CADM2: variants seen among roughly 807,000 people sequenced by gnomAD.
CADM2 encodes the protein immunoglobulin superfamily member 4D.
In CADM2, 12 loss-of-function variants were observed where a neutral mutation model predicts 49.8. The ratio of observed to expected loss-of-function variants is 0.24; its 90% CI spans 0.15 to 0.39. CADM2 has a LOEUF of 0.39. Ranked by LOEUF, CADM2 falls within the 10% of genes least tolerant of loss-of-function variation. The pLI, the probability that CADM2 is intolerant of heterozygous loss-of-function variation, is 1.00. For missense variants in CADM2, 378 were observed against 492.3 expected, an observed-to-expected ratio of 0.77 and a Z score of 2.20; for synonymous variants, 214 against 175.4, an observed-to-expected ratio of 1.22 and a Z score of -1.74.
At chr3:85,404,466 G>A (rs1399318342) in intron 1 of CADM2, among the ~76,000 whole-genome samples, 1 of 152,084 alleles carries the variant, frequency 6.6e-6, no homozygotes, top group African/African-American at 2.4e-5. Context: ...CTGTTAGGAA[G>A]AATATTTTCA....
At chr3:85,749,323 C>T (rs2068762532) in intron 2 of CADM2, among the ~76,000 whole-genome samples, 2 of 151,876 alleles carry the variant, frequency 1.3e-5, no homozygotes, top group Admixed American at 6.6e-5. Flanking sequence ...TTTCTTACTT[C>T]ATCTGTATTG....
At position 85,939,468 on chromosome 3, in the gene CADM2, A is replaced by ACACAC. The variant is rs1553710489; in HGVS notation, c.791+3611_791+3612insCACAC. ...ATTCTCCATTTTAAAAGTAAACGAA[A>ACACAC]ACACACACACACACACACACACACA... On this transcript the variant is annotated intron_variant, in intron 7 of 9. Coordinates refer to ENST00000383699, the MANE Select transcript of CADM2 (RefSeq NM_001167675.2). 3.6e-4 allele frequency among the ~76,000 whole-genome samples: 49 copies of ACACAC among 137,078 alleles called. 1 individual carries two copies. The highest frequency in any genetic ancestry group is 1.3e-3 in the African/African-American group (48 of 36,592). 89.9% of individuals were successfully genotyped at this position (137,078 alleles called of 152,430 possible).
At chr3:85,053,575 G>A (rs2035966162) in intron 1 of CADM2, among the ~76,000 whole-genome samples, 1 of 151,886 alleles carries the variant, frequency 6.6e-6, no homozygotes, top group Admixed American at 6.6e-5. Flanking sequence ...TGGCAAATGA[G>A]CCATAGAGAT....
chr3:84,960,701 G>T (rs1559590665), intron 1 of CADM2, among the ~76,000 whole-genome samples: 1 of 152,122 alleles, frequency 6.6e-6, no homozygotes, highest in Non-Finnish European at 1.5e-5. Flanking sequence ...TTTGGATGCC[G>T]GATGGCTAAG....
chr3:85,573,766 T>A (rs2062550305), intron 1 of CADM2, among the ~76,000 whole-genome samples: 1 of 152,172 alleles, frequency 6.6e-6, no homozygotes, highest in Non-Finnish European at 1.5e-5. Context: ...GTTTACGTGA[T>A]CTTATTCCCT....
At chr3:85,940,024 A>C (rs200882469) in intron 7 of CADM2, among the ~76,000 whole-genome samples, 1 of 17,242 alleles carries the variant, frequency 5.8e-5, no homozygotes. Flanking sequence ...TAACAACAAC[A>C]AAAAAAAAAC....
At chr3:85,552,152 T>G (rs1221321834) in intron 1 of CADM2, among the ~76,000 whole-genome samples, 2 of 152,040 alleles carry the variant, frequency 1.3e-5, no homozygotes. Flanking sequence ...ACTTTAGACA[T>G]GAGCTATCCA....
intron 1 of CADM2, among the ~76,000 whole-genome samples, chr3:85,651,709 C>T (rs2065046137): frequency 6.6e-6 from 1 of 151,990 alleles, no homozygotes; most frequent in African/African-American, 2.4e-5. Flanking sequence ...GGATATGTTT[C>T]CCAAACCTCA....
chr3:85,236,791 C>A lies in CADM2; in HGVS notation c.61+277123C>A, dbSNP rs879625394. Reference sequence around the variant, plus strand: ...TGTATGAGAAAAGTCATTGATAGGGCTCGTATAAATGGAAGGGTGACCTCA... The same window carrying A: ...TGTATGAGAAAAGTCATTGATAGGGATCGTATAAATGGAAGGGTGACCTCA... On this transcript the variant is annotated intron_variant, in intron 1 of 9. Coordinates refer to ENST00000383699, the MANE Select transcript of CADM2 (RefSeq NM_001167675.2). 2.6e-5 allele frequency among the ~76,000 whole-genome samples: 4 copies of A among 151,866 alleles called. No individual in the cohort carries two copies. In the East Asian group the frequency reaches 7.7e-4, roughly 29 times the overall value.
chr3:85,606,974 A>G (rs981495019), intron 1 of CADM2, among the ~76,000 whole-genome samples: 4 of 152,136 alleles, frequency 2.6e-5, no homozygotes, highest in African/African-American at 7.2e-5. Flanking sequence ...GGAGAAGTCA[A>G]TTAGAAGAAG....
At chr3:85,035,483 G>T (rs755497930) in intron 1 of CADM2, among the ~76,000 whole-genome samples, 7 of 152,146 alleles carry the variant, frequency 4.6e-5, no homozygotes, top group Non-Finnish European at 8.8e-5. Flanking sequence ...TCTTCCTCAA[G>T]AAATGTTTGC....
chr3:85,957,772 T>G (rs1367813265), intron 7 of CADM2, among the ~76,000 whole-genome samples: 5 of 151,788 alleles, frequency 3.3e-5, no homozygotes, highest in African/African-American at 1.2e-4. Flanking sequence ...GTGGGATAGC[T>G]CACAGAACTC....
chr3:85,476,595 C>T (rs973477522), intron 1 of CADM2, among the ~76,000 whole-genome samples: 1 of 34,754 alleles, frequency 2.9e-5, no homozygotes, highest in Non-Finnish European at 6.4e-5. Flanking sequence ...AATGATTTGC[C>T]AGTGCACTAA....
intron 1 of CADM2, among the ~76,000 whole-genome samples, chr3:85,080,004 T>C (rs562565594): frequency 4.7e-4 from 71 of 152,070 alleles, no homozygotes; most frequent in Non-Finnish European, 9.1e-4. Flanking sequence ...AAATAAACTT[T>C]AGAGGTAATA....
At chr3:84,973,827 C>T (rs776263557) in intron 1 of CADM2, among the ~76,000 whole-genome samples, 1 of 152,144 alleles carries the variant, frequency 6.6e-6, no homozygotes, top group African/African-American at 2.4e-5. Flanking sequence ...TACAATACAT[C>T]ATGCTTGGTT....
At chr3:85,327,583 CACACACCA>C (rs985333600) in intron 1 of CADM2, among the ~76,000 whole-genome samples, 11 of 144,808 alleles carry the variant, frequency 7.6e-5, no homozygotes, top group Non-Finnish European at 1.3e-4. Flanking sequence ...CACACACACA[CACACACCA>C]CACACACACA....
At chr3:86,065,816 G>T in intron 9 of CADM2, 86 bp downstream of exon 9, 1 of 1,334,676 alleles carries the variant, frequency 7.5e-7, no homozygotes, top group Non-Finnish European at 1.0e-6. Flanking sequence ...GTGCATATAT[G>T]TTTCTGTACA....
intron 1 of CADM2, among the ~76,000 whole-genome samples, chr3:85,351,473 T>C (rs2031345342): frequency 1.3e-5 from 2 of 152,184 alleles, no homozygotes; most frequent in South Asian, 4.1e-4. Flanking sequence ...TTTTCCTTCA[T>C]GTTCACTCCA....
chr3:85,219,258 T>G (rs2041995579), intron 1 of CADM2, among the ~76,000 whole-genome samples: 1 of 152,242 alleles, frequency 6.6e-6, no homozygotes, highest in Non-Finnish European at 1.5e-5. Context: ...TATCTGACTT[T>G]GTTTTTAGTT....
Sources: gnomAD v4.1 joint callset for allele counts (sites outside exome capture counted in the v4.1 genomes callset) on GRCh38, gnomAD v4.1.1 for gene constraint, MANE v1.5 for transcripts, NCBI Gene and HGNC (gene_info 2026-07-23, HGNC 2026-07-21) for gene names.